NUP62: variants seen among roughly 807,000 people sequenced by gnomAD.
The protein encoded by NUP62 is nucleoporin 62, also known as nuclear pore glycoprotein p62.
For synonymous variants in NUP62, 305 were observed against 303.4 expected, an observed-to-expected ratio of 1.01 and a Z score of -0.05; for missense variants, 647 against 689.4, an observed-to-expected ratio of 0.94 and a Z score of 0.69.
chr19:49,907,859 A>AT lies in NUP62; in HGVS notation c.*379dup, dbSNP rs2075358907. ...ACTTGGAGGTTCTCTTACATTTGGT[A>AT]TTTTTTCATGACACCTATGACTATG... On this transcript the variant is annotated 3_prime_UTR_variant, in exon 3 of 3. Coordinates refer to ENST00000352066, the MANE Select transcript of NUP62 (RefSeq NM_016553.5). The AT allele has an allele frequency of 8.7e-6, 3 of 346,004 alleles. No homozygotes were observed. The highest frequency in any genetic ancestry group is 1.6e-4 in the East Asian group (2 of 12,476). 21.4% of individuals were successfully genotyped at this position (346,004 alleles called of 1,614,324 possible). A position where few individuals can be genotyped will look rare whatever the true frequency, so the allele number is the denominator to read the frequency against.
chr19:49,924,574 C>G (rs116618585), intron 2 of NUP62, among the ~76,000 whole-genome samples: 1,895 of 152,330 alleles, frequency 0.012, 44 homozygotes, highest in African/African-American at 0.043. Flanking sequence ...TTGCTTCAAG[C>G]CCCAGCTCAG....
At chr19:49,910,641 C>T (rs541052449) in intron 2 of NUP62, among the ~76,000 whole-genome samples, 3 of 151,522 alleles carry the variant, frequency 2.0e-5, no homozygotes, top group Non-Finnish European at 2.9e-5. Flanking sequence ...GCACCTGGGC[C>T]TCCCTTGGAC....
intron 2 of NUP62, among the ~76,000 whole-genome samples, chr19:49,920,136 G>A (rs187169658): frequency 1.7e-4 from 26 of 151,940 alleles, no homozygotes; most frequent in Non-Finnish European, 2.5e-4. Flanking sequence ...AGGCTGGAGT[G>A]CAGTGGCGTG....
chr19:49,926,648 A>G (rs1308505429), intron 2 of NUP62, among the ~76,000 whole-genome samples: 1 of 152,182 alleles, frequency 6.6e-6, no homozygotes, highest in Admixed American at 6.5e-5. Flanking sequence ...CGTCCTTACC[A>G]CTGGCAGTCT....
rs2076011736 is a variant in NUP62 at position 49,929,402 on chromosome 19, T to C, written c.-276A>G. ...GCCTCTCCTTGCTGCAGCCATGGAG[T>C]GAGTAACCGCTTACCTCTTCTCCAA... is the stretch of plus-strand genomic sequence containing the variant. On this transcript the variant is annotated 5_prime_UTR_variant, in exon 1 of 3. Coordinates refer to ENST00000352066, the MANE Select transcript of NUP62 (RefSeq NM_016553.5). 6.5e-6 allele frequency: 1 copy of C among 153,162 alleles called. No individual in the cohort carries two copies. Among genetic ancestry groups the C allele is most frequent in the Admixed American group, 6.5e-5 (1 of 15,288 alleles). 9.5% of individuals were successfully genotyped at this position (153,162 alleles called of 1,614,324 possible).
chr19:49,912,262 C>T (rs918575580), intron 2 of NUP62, among the ~76,000 whole-genome samples: 7 of 151,372 alleles, frequency 4.6e-5, no homozygotes, highest in East Asian at 2.0e-4. Context: ...CTCCGCTTCC[C>T]GGGTTCAAGC....
At position 49,908,464 on chromosome 19, in the gene NUP62, G is replaced by A; in HGVS notation, c.1344C>T (p.Ala448=). The change falls in exon 3 of 3, where the codon GCC becomes GCT. Residue 448 remains alanine (A), a synonymous_variant. Coordinates refer to ENST00000352066, the MANE Select transcript of NUP62 (RefSeq NM_016553.5). The part of the protein sequence containing the change: ...ENIDAQLKRM[A]QDLKDIIEHL... ...GCTCGATGATGTCCTTGAGATCCTG[G>A]GCCATGCGCTTGAGCTGTGCATCGA... The A allele has an allele frequency of 1.9e-6, 3 of 1,614,152 alleles. No individual in the cohort carries two copies. Among genetic ancestry groups the A allele is most frequent in the Non-Finnish European group, 1.7e-6 (2 of 1,180,046 alleles).
At position 49,909,171 on chromosome 19, in the gene NUP62, T is replaced by C. The variant is rs558565088; in HGVS notation, c.637A>G (p.Thr213Ala). The change falls in exon 3 of 3, where the codon ACC becomes GCC. Residue 213 changes from threonine (T) to alanine (A), a missense_variant. By Grantham distance (58) the Thr-to-Ala change is moderately conservative (BLOSUM62 0). Coordinates refer to ENST00000352066, the MANE Select transcript of NUP62 (RefSeq NM_016553.5). ...TQPAAPTPTA[T>A]ITSTGPSLFA... ...AGGCTGGGCCCAGTGCTGGTGATGGTGGCTGTGGGTGTGGGAGCAGCTGGC... is the reference window on the plus strand; with the variant it reads ...AGGCTGGGCCCAGTGCTGGTGATGGCGGCTGTGGGTGTGGGAGCAGCTGGC... 1.1e-5 allele frequency: 17 copies of C among 1,613,448 alleles called. No individual in the cohort carries two copies. In the African/African-American group the frequency reaches 2.1e-4, roughly 20 times the overall value.
chr19:49,915,343 T>G (rs1326811707), intron 2 of NUP62, among the ~76,000 whole-genome samples: 1 of 152,094 alleles, frequency 6.6e-6, no homozygotes, highest in Non-Finnish European at 1.5e-5. Context: ...CAGAGGGAGA[T>G]GTGCCTATGG....
chr19:49,912,121 A>C (rs189258137), intron 2 of NUP62, among the ~76,000 whole-genome samples: 7 of 152,094 alleles, frequency 4.6e-5, no homozygotes, highest in Admixed American at 3.3e-4. Context: ...AAAAACTACA[A>C]GGAAAACAAT....
intron 2 of NUP62, among the ~76,000 whole-genome samples, chr19:49,914,727 T>TTTTG (rs1491224363): frequency 1.1e-4 from 4 of 36,188 alleles, no homozygotes; most frequent in Admixed American, 7.3e-4. Flanking sequence ...CAAGTCCCAG[T>TTTTG]TTTTTTTTTT....
chr19:49,909,497 G>A lies in NUP62; in HGVS notation c.311C>T (p.Ala104Val). The A allele has an allele frequency of 6.2e-7, 1 of 1,614,150 alleles. No individual in the cohort carries two copies. Among genetic ancestry groups the A allele is most frequent in the Non-Finnish European group, 8.5e-7 (1 of 1,180,028 alleles). The change falls in exon 3 of 3, where the codon GCC (alanine) becomes GTC (valine). Residue 104 changes from alanine to valine, a missense_variant. Ala to Val is a moderately conservative substitution (Grantham distance 64). Coordinates refer to ENST00000352066, the MANE Select transcript of NUP62 (RefSeq NM_016553.5). ...GCTGGGGTTTGCCATGGCTGGGGTG[G>A]CAGCTGTGTTGCTCAAGTTGAGCTT... ...ASKLNLSNTAATPAMANPSGF... is the reference protein window; with the variant it reads ...ASKLNLSNTAVTPAMANPSGF...
intron 2 of NUP62, among the ~76,000 whole-genome samples, chr19:49,922,880 G>A (rs1332152347): frequency 1.3e-5 from 2 of 152,012 alleles, no homozygotes; most frequent in Non-Finnish European, 2.9e-5. Context: ...GCAGTTCACC[G>A]GTCCAGGCCT....
At position 49,907,289 on chromosome 19, in the gene NUP62, T is replaced by A. The variant is rs1390293582; in HGVS notation, c.*950A>T. ...TGAGCTTCGGGTAGCTGGGAAGGCT[T>A]CCTGGAGGAGGTGAGGCCCAAGGTG... On this transcript the variant is annotated 3_prime_UTR_variant, in exon 3 of 3. Transcript: ENST00000352066. The A allele has an allele frequency of 3.3e-6, 1 of 301,230 alleles. No homozygotes were observed. Among genetic ancestry groups the A allele is most frequent in the Admixed American group, 5.0e-5 (1 of 20,076 alleles). The allele number at this position is 301,230 out of a possible 1,614,324, so 18.7% of individuals were successfully genotyped here. A position where few individuals can be genotyped will look rare whatever the true frequency, so the allele number is the denominator to read the frequency against.
chr19:49,927,899 G>A (rs1434180687), intron 1 of NUP62, 84 bp from the exon 2 acceptor site: 2 of 152,258 alleles, frequency 1.3e-5, no homozygotes, highest in African/African-American at 4.8e-5. Flanking sequence ...GCTACCCTGT[G>A]ACTAAACGAA....
rs755277180 is a variant in NUP62 at position 49,908,957 on chromosome 19, C to CTGGTGG, written c.850_851insCCACCA (p.Ser283_Ser284insThrThr). On this transcript the variant is annotated inframe_insertion, in exon 3 of 3. Coordinates refer to ENST00000352066, the MANE Select transcript of NUP62 (RefSeq NM_016553.5). ...CAAGGCAAAGCCGGTGGTGCTGCTG[C>CTGGTGG]TGCTGGTGGTGGTGGCGGTGGCGGT... The CTGGTGG allele has an allele frequency of 7.6e-5, 122 of 1,609,454 alleles. No individual in the cohort carries two copies. The East Asian group carries it at 2.6e-3, about 34-fold the overall frequency.
intron 2 of NUP62, among the ~76,000 whole-genome samples, chr19:49,920,690 C>T (rs930932357): frequency 1.3e-5 from 2 of 152,098 alleles, no homozygotes; most frequent in South Asian, 2.1e-4. Flanking sequence ...TTGGGGTGGC[C>T]GGTAATGCTG....
At chr19:49,913,293 AAG>A (rs1453662736) in intron 2 of NUP62, 1 of 152,244 alleles carries the variant, frequency 6.6e-6, no homozygotes, top group Non-Finnish European at 1.5e-5. Context: ...GCACATTCCA[AAG>A]AGAGAAAATG....
chr19:49,928,255 C>T lies in NUP62; in HGVS notation c.-199-440G>A, dbSNP rs182747966. 3.8e-3 allele frequency: 579 copies of T among 152,392 alleles called. 4 individuals are homozygous for T. Among genetic ancestry groups the T allele is most frequent in the Non-Finnish European group, 5.8e-3 (396 of 68,102 alleles). The allele number at this position is 152,392 out of a possible 1,614,324, so 9.4% of individuals were successfully genotyped here. On this transcript the variant is annotated intron_variant, in intron 1 of 2. Coordinates refer to ENST00000352066, the MANE Select transcript of NUP62 (RefSeq NM_016553.5). ...TGCTGAGGCCGGGAGCGATGGCTCA[C>T]GCCTGTAATCCCAGCACTTTGGGAG...
Sources: allele counts gnomAD v4.1 joint callset (sites outside exome capture counted in the v4.1 genomes callset), GRCh38; gene constraint gnomAD v4.1.1; transcripts MANE v1.5; gene names NCBI Gene and HGNC (gene_info 2026-07-23, HGNC 2026-07-21).